DQX1: variants seen among roughly 807,000 people sequenced by gnomAD.
DQX1 encodes ATP-dependent RNA helicase homolog DQX1.
Under a neutral mutation model 81.3 loss-of-function variants are expected in DQX1, and 66 were observed. The observed-to-expected ratio is 0.81, with a 90% CI of 0.67 to 1.00. DQX1 has a LOEUF of 1.00. DQX1 is among the 50% of genes least tolerant of loss of function. The pLI, the probability that DQX1 is intolerant of heterozygous loss-of-function variation, is 0.00. For synonymous variants in DQX1, 290 were observed against 350.0 expected, an observed-to-expected ratio of 0.83 and a Z score of 1.91; for missense variants, 798 against 867.9, an observed-to-expected ratio of 0.92 and a Z score of 1.01.
chr2:74,518,297 C>T lies in DQX1; in HGVS notation c.*149G>A. On this transcript the variant is annotated 3_prime_UTR_variant, in exon 12 of 12. Coordinates refer to ENST00000404568, the MANE Select transcript of DQX1 (RefSeq NM_133637.3). ...TGGTTTACCCCATTCTTTCCATTCC[C>T]AGTCTACCATTTCTTGGGACTCAGG... is the stretch of plus-strand genomic sequence containing the variant. 2.3e-6 allele frequency: 2 copies of T among 879,058 alleles called. No individual in the cohort carries two copies. The highest frequency in any genetic ancestry group is 3.4e-6 in the Non-Finnish European group (2 of 583,398). The allele number at this position is 879,058 out of a possible 1,614,324, so 54.5% of individuals were successfully genotyped here.
chr2:74,525,416 C>A lies in DQX1; in HGVS notation c.237+77G>T. The A allele has an allele frequency of 1.4e-6, 2 of 1,445,338 alleles. No individual in the cohort carries two copies. The highest frequency in any genetic ancestry group is 1.9e-6 in the Non-Finnish European group (2 of 1,064,360). 89.5% of individuals were successfully genotyped at this position (1,445,338 alleles called of 1,614,324 possible). A position where few individuals can be genotyped will look rare whatever the true frequency, so the allele number is the denominator to read the frequency against. On this transcript the variant is annotated intron_variant, in intron 2 of 11. Coordinates refer to ENST00000404568, the MANE Select transcript of DQX1 (RefSeq NM_133637.3). The surrounding 1 kb of genome is among the most constrained non-coding windows in gnomAD (Gnocchi z 4.1). ...AGTCCCCCCTTGCCCAGGGAAAGGC[C>A]ACTTTCCCTTTGTCCTCCCTTTGTC...
intron 4 of DQX1, 101 bp from the exon 5 acceptor site, chr2:74,523,638 G>T (rs1675098303): frequency 1.7e-6 from 2 of 1,168,028 alleles, no homozygotes; most frequent in Non-Finnish European, 2.4e-6. Flanking sequence ...TTCACTCTGA[G>T]AAAATGCAAA....
Position 74,525,253 on chromosome 2 carries a change from G to T in DQX1, c.238-51C>A. On this transcript the variant is annotated intron_variant, in intron 2 of 11. Coordinates refer to ENST00000404568, the MANE Select transcript of DQX1 (RefSeq NM_133637.3). This position sits in a 1 kb window ranked among gnomAD's most constrained non-coding sequence, Gnocchi z 4.1. ...CCAGTGAGGAAGATGTAGGACTTCA[G>T]TCAGAAGTGCTCAGGGAACTATGGC... is the stretch of plus-strand genomic sequence containing the variant. The T allele has an allele frequency of 6.8e-7, 1 of 1,468,128 alleles. No homozygotes were observed. The highest frequency in any genetic ancestry group is 1.4e-5 in the South Asian group (1 of 71,882). 90.9% of individuals were successfully genotyped at this position (1,468,128 alleles called of 1,614,324 possible). A position where few individuals can be genotyped will look rare whatever the true frequency, so the allele number is the denominator to read the frequency against.
intron 4 of DQX1, 87 bp from the exon 5 acceptor site, chr2:74,523,624 G>T (rs982881353): frequency 1.1e-5 from 14 of 1,291,690 alleles, no homozygotes; most frequent in Non-Finnish European, 1.3e-5. Context: ...GAAAGTTATG[G>T]CCCTTCACTC....
chr2:74,523,103 G>A lies in DQX1; in HGVS notation c.1144+16C>T, dbSNP rs775521069. 2 of 1,614,158 alleles carry A rather than the reference G, an allele frequency of 1.2e-6. No homozygotes were observed. The highest frequency in any genetic ancestry group is 8.5e-7 in the Non-Finnish European group (1 of 1,180,032). The stretch of plus-strand genomic sequence containing the variant: ...ACTCTTGGGTTTTTTATTTCAGTGA[G>A]GGCAAAGGCTCTTACCTGGTGGGAA... On this transcript the variant is annotated intron_variant, in intron 6 of 11. Coordinates refer to ENST00000404568, the MANE Select transcript of DQX1 (RefSeq NM_133637.3).
intron 8 of DQX1, among the ~76,000 whole-genome samples, chr2:74,522,195 C>T (rs879297754): frequency 6.6e-5 from 10 of 152,086 alleles, no homozygotes; most frequent in Non-Finnish European, 1.5e-4. Context: ...GGATTAGGTA[C>T]CTGGAAGGTC....
In DQX1 at chr2:74,519,538, C is replaced by T. The variant is rs1220965753; in HGVS notation, c.1806+18G>A. The T allele has an allele frequency of 6.2e-7, 1 of 1,613,112 alleles. No homozygotes were observed. The highest frequency in any genetic ancestry group is 8.5e-7 in the Non-Finnish European group (1 of 1,179,142). On this transcript the variant is annotated intron_variant, in intron 10 of 11. Transcript: ENST00000404568. Reference sequence around the variant, plus strand: ...TTTTGCTCCTTTGATCACCCTCACCCCCACCCTTTCCTCTAACCTTGAGAA... The same window carrying T: ...TTTTGCTCCTTTGATCACCCTCACCTCCACCCTTTCCTCTAACCTTGAGAA...
At chr2:74,522,417 T>A (rs574975245) in intron 8 of DQX1, among the ~76,000 whole-genome samples, 163 bp downstream of exon 8, 1 of 152,208 alleles carries the variant, frequency 6.6e-6, no homozygotes, top group Admixed American at 6.5e-5. Flanking sequence ...GAAAAAAGGC[T>A]AAAGAGACAA....
In DQX1 at chr2:74,523,032, TG is replaced by T; in HGVS notation, c.1145-19del. 1 of 1,613,920 alleles carries T rather than the reference TG, an allele frequency of 6.2e-7. No homozygotes were observed. The highest frequency in any genetic ancestry group is 8.5e-7 in the Non-Finnish European group (1 of 1,179,846). On this transcript the variant is annotated intron_variant, in intron 6 of 11. Transcript: ENST00000404568. ...GCAGGATCCTGAGGGGAAAAAGACC[TG>T]GGAAAGAAGACCACTGTAGATTTCT...
Position 74,523,296 on chromosome 2 carries a change from T to G in DQX1, c.1044+14A>C. Reference sequence around the variant, plus strand: ...GTCTTTACTACCCCACCGCTATCTCTCTCTCTCACTCACACTTCGGAGCTC... The same window carrying G: ...GTCTTTACTACCCCACCGCTATCTCGCTCTCTCACTCACACTTCGGAGCTC... On this transcript the variant is annotated intron_variant, in intron 5 of 11. Coordinates refer to ENST00000404568, the MANE Select transcript of DQX1 (RefSeq NM_133637.3). The G allele has an allele frequency of 6.2e-7, 1 of 1,614,110 alleles. No individual in the cohort carries two copies. The highest frequency in any genetic ancestry group is 1.6e-4 in the Middle Eastern group (1 of 6,062).
chr2:74,518,809 G>A (rs1484340449), intron 11 of DQX1, among the ~76,000 whole-genome samples: 3 of 152,120 alleles, frequency 2.0e-5, no homozygotes, highest in African/African-American at 7.2e-5. Flanking sequence ...CTACAGGGTG[G>A]TTTCAAACTC....
intron 8 of DQX1, among the ~76,000 whole-genome samples, chr2:74,521,517 G>T (rs1434160135): frequency 6.6e-6 from 1 of 152,100 alleles, no homozygotes; most frequent in African/African-American, 2.4e-5. Flanking sequence ...GGGCATGGTG[G>T]TGCGTGCCTG....
chr2:74,519,597 T>C lies in DQX1; in HGVS notation c.1765A>G (p.Arg589Gly), dbSNP rs756657595. The change falls in exon 10 of 12, where the codon AGA becomes GGA. Residue 589 changes from arginine (R) to glycine (G), a missense_variant. Arg to Gly is a moderately radical substitution (Grantham distance 125, BLOSUM62 -2). Transcript: ENST00000404568. ...GACACCAGTGCTTTCTGAAGGTCTC[T>C]GCGATTCTGCTCAGAGCCAAAGGCT... Reference protein sequence around the residue: ...LPAFGSEQNRRDLQKALVSGY... With the variant: ...LPAFGSEQNRGDLQKALVSGY... 5 of 1,614,256 alleles carry C rather than the reference T, an allele frequency of 3.1e-6. No homozygotes were observed. In the South Asian group the frequency reaches 5.5e-5, roughly 18 times the overall value.
intron 4 of DQX1, 24 bp downstream of exon 4, chr2:74,523,899 T>TG: frequency 1.3e-6 from 2 of 1,527,056 alleles, no homozygotes; most frequent in Non-Finnish European, 1.8e-6. Context: ...CAGGCTGTTT[T>TG]TTTTGTTTTG....
rs748114940 is a variant in DQX1, at chr2:74,523,295, C to G, written c.1044+15G>C. ...TGTCTTTACTACCCCACCGCTATCT[C>G]TCTCTCTCACTCACACTTCGGAGCT... On this transcript the variant is annotated intron_variant, in intron 5 of 11. Transcript: ENST00000404568. 507 of 1,614,020 alleles carry G rather than the reference C, an allele frequency of 3.1e-4. No individual in the cohort carries two copies. Among genetic ancestry groups the G allele is most frequent in the Admixed American group, 1.5e-3 (88 of 60,000 alleles).
rs1558602649 is a variant in DQX1, at chr2:74,523,416, T to C, written c.938A>G (p.Glu313Gly). 6.2e-7 allele frequency: 1 copy of C among 1,614,166 alleles called. No homozygotes were observed. Among genetic ancestry groups the C allele is most frequent in the East Asian group, 2.2e-5 (1 of 44,882 alleles). The change falls in exon 5 of 12, where the codon GAG (glutamate) becomes GGG (glycine). Residue 313 changes from glutamate to glycine, a missense_variant. Physicochemically the swap from Glu to Gly is moderately conservative, Grantham distance 98 (BLOSUM62 -2). Transcript: ENST00000404568. ...DCGRAVQAVY[E>G]DMDARKVVVT... ...CACAACCTTTCGGGCATCCATGTCC[T>C]CATACACAGCCTGAACGGCTCGTCC...
At chr2:74,526,075 G>C (rs1191543948) in intron 1 of DQX1, 61 bp downstream of exon 1, 1 of 276,068 alleles carries the variant, frequency 3.6e-6, no homozygotes, top group African/African-American at 2.2e-5. Flanking sequence ...AAGGGAAAAG[G>C]ATAAAGAATA....
chr2:74,522,432 GAGA>G (rs1675051955), intron 8 of DQX1, 145 bp downstream of exon 8: 1 of 901,282 alleles, frequency 1.1e-6, no homozygotes, highest in Non-Finnish European at 1.7e-6. Context: ...AGACAAGAGG[GAGA>G]TGGGTGACTA....
chr2:74,518,479 G>A lies in DQX1; in HGVS notation c.2121C>T (p.Ala707=), dbSNP rs1241861326. 2 of 1,614,174 alleles carry A rather than the reference G, an allele frequency of 1.2e-6. No homozygotes were observed. Among genetic ancestry groups the A allele is most frequent in the South Asian group, 1.1e-5 (1 of 91,078 alleles). The change falls in exon 12 of 12, where the codon GCC becomes GCT. Residue 707 remains alanine (A), a synonymous_variant. Coordinates refer to ENST00000404568, the MANE Select transcript of DQX1 (RefSeq NM_133637.3). ...DSTAGSKSSS[A]QEFRDPCVLQ Reference sequence around the variant, plus strand: ...GGACACAGGGATCTCTGAACTCCTGGGCTGAGGATGATTTGCTCCCTGCTG... The same window carrying A: ...GGACACAGGGATCTCTGAACTCCTGAGCTGAGGATGATTTGCTCCCTGCTG...
Sources: allele counts gnomAD v4.1 joint callset (sites outside exome capture counted in the v4.1 genomes callset), GRCh38; gene constraint gnomAD v4.1.1; non-coding constraint Gnocchi (gnomAD v3.1); transcripts MANE v1.5; gene names NCBI Gene and HGNC (gene_info 2026-07-23, HGNC 2026-07-21).